Variants in SPACA3 observed in about 807,000 individuals in gnomAD.
SPACA3 encodes sperm acrosome membrane-associated protein 3.
In SPACA3, 21 loss-of-function variants were observed where a neutral mutation model predicts 24.5. The observed-to-expected ratio is 0.86, with a 90% CI of 0.61 to 1.24. The LOEUF (loss-of-function observed/expected upper bound fraction) is 1.24. Ranked by LOEUF, SPACA3 falls within the 50% of genes most tolerant of loss-of-function variation. The probability of loss-of-function intolerance (pLI) is 0.00; values close to 1 mark genes in which losing one functional copy is unlikely to be tolerated. For missense variants in SPACA3, 278 were observed against 275.5 expected, an observed-to-expected ratio of 1.01 and a Z score of -0.06; for synonymous variants, 115 against 106.9, an observed-to-expected ratio of 1.08 and a Z score of -0.47.
At chr17:32,992,940 A>G (rs1232382254) in intron 1 of SPACA3, 2 of 471,034 alleles carry the variant, frequency 4.2e-6, no homozygotes, top group Non-Finnish European at 8.8e-6. Context: ...ATGGATGTGT[A>G]TAGAATAGCT....
In SPACA3 at chr17:32,991,849, C is replaced by T. The variant is rs971645589; in HGVS notation, c.-90C>T. The T allele has an allele frequency of 5.1e-6, 8 of 1,578,782 alleles. No individual in the cohort carries two copies. The South Asian group carries it at 5.6e-5, about 11-fold the overall frequency. ...CCTGCCTTCCCCATTGTTCTCTTAACACTGGGTGCCTGGGGCCCTGGCAAG... is the reference window on the plus strand; with the variant it reads ...CCTGCCTTCCCCATTGTTCTCTTAATACTGGGTGCCTGGGGCCCTGGCAAG... On this transcript the variant is annotated 5_prime_UTR_variant, in exon 1 of 5. Transcript: ENST00000269053.
intron 1 of SPACA3, chr17:32,992,819 G>T (rs1039449522): frequency 1.3e-5 from 6 of 461,390 alleles, no homozygotes; most frequent in Non-Finnish European, 2.2e-5. Context: ...GGGCCGCAGG[G>T]CTGGGCTGTG....
chr17:32,992,863 G>A (rs1476506902), intron 1 of SPACA3: 1 of 470,498 alleles, frequency 2.1e-6, no homozygotes, highest in Non-Finnish European at 4.4e-6. Flanking sequence ...ACCTCGAAGG[G>A]GCAGTTATGG....
chr17:32,997,350 G>GAA (rs1555561332), intron 3 of SPACA3, 95 bp from the exon 4 acceptor site: 8 of 895,166 alleles, frequency 8.9e-6, no homozygotes, highest in Non-Finnish European at 1.2e-5. Context: ...TGTGTAGAGA[G>GAA]AGAGAGAGAG....
At position 32,992,011 on chromosome 17, in the gene SPACA3, G is replaced by C. The variant is rs1468636040; in HGVS notation, c.34+39G>C. 1.9e-6 allele frequency: 3 copies of C among 1,610,900 alleles called. No individual in the cohort carries two copies. The East Asian group carries it at 6.7e-5, about 36-fold the overall frequency. ...CCCTTCTTCCTGGGGCTGTTAACAG[G>C]GGCGCTGGGTTGGTCTGGCCAGAGA... On this transcript the variant is annotated intron_variant, in intron 1 of 4. Transcript: ENST00000269053.
In SPACA3 at chr17:32,997,312, A is replaced by AGTGTGTGT. The variant is rs376224282; in HGVS notation, c.503-108_503-101dup. On this transcript the variant is annotated intron_variant, in intron 3 of 4. Coordinates refer to ENST00000269053, the MANE Select transcript of SPACA3 (RefSeq NM_173847.5). ...GACAGGATTGGATTTAGGCGAGTGG[A>AGTGTGTGT]GTGTGTGTGTGTGTGTGTGTGTGTG... 923 of 510,974 alleles carry AGTGTGTGT rather than the reference A, an allele frequency of 1.8e-3. 6 individuals carry two copies. The highest frequency in any genetic ancestry group is 0.013 in the African/African-American group (563 of 42,926). The allele number at this position is 510,974 out of a possible 1,614,324, so 31.7% of individuals were successfully genotyped here. A position where few individuals can be genotyped will look rare whatever the true frequency, so the allele number is the denominator to read the frequency against.
chr17:32,997,767 T>C lies in SPACA3; in HGVS notation c.637T>C (p.Cys213Arg). 6.2e-7 allele frequency: 1 copy of C among 1,614,178 alleles called. No individual in the cohort carries two copies. ...GKDLTEWVDG[C>R]DF ...AGACCTCACTGAATGGGTGGATGGC[T>C]GTGACTTCTAGGATGGACGGAACCA... The change falls in exon 5 of 5, where the codon TGT (cysteine) becomes CGT (arginine). Residue 213 changes from cysteine (C) to arginine (R), a missense_variant. Cys to Arg is a radical substitution (Grantham distance 180). Coordinates refer to ENST00000269053, the MANE Select transcript of SPACA3 (RefSeq NM_173847.5).
chr17:32,993,252 G>A (rs2091701912), intron 1 of SPACA3, among the ~76,000 whole-genome samples: 3 of 152,354 alleles, frequency 2.0e-5, no homozygotes, highest in Admixed American at 2.0e-4. Context: ...GGTGCCTGCA[G>A]GGCATTCAAG....
At chr17:32,995,211 A>C (rs1159241488) in intron 1 of SPACA3, among the ~76,000 whole-genome samples, 198 bp from the exon 2 acceptor site, 1 of 152,178 alleles carries the variant, frequency 6.6e-6, no homozygotes, top group African/African-American at 2.4e-5. Context: ...GGACTAAATA[A>C]TCCGTAACGT....
At position 32,996,839 on chromosome 17, in the gene SPACA3, G is replaced by A. The variant is rs373333659; in HGVS notation, c.344-4G>A. On this transcript the variant is annotated splice_polypyrimidine_tract_variant and splice_region_variant and intron_variant, in intron 2 of 4. Coordinates refer to ENST00000269053, the MANE Select transcript of SPACA3 (RefSeq NM_173847.5). The stretch of plus-strand genomic sequence containing the variant: ...CCCCCAGGCCTATGCTCTGCCCTAT[G>A]CAGGGGTCTGCCTTGCTTATTTCAC... The A allele has an allele frequency of 3.8e-6, 6 of 1,577,434 alleles. No homozygotes were observed. The African/African-American group carries it at 8.1e-5, about 21-fold the overall frequency.
intron 1 of SPACA3, among the ~76,000 whole-genome samples, chr17:32,994,785 G>A (rs1162531207): frequency 1.3e-5 from 2 of 152,220 alleles, no homozygotes; most frequent in African/African-American, 2.4e-5. Context: ...AATGTCCTCT[G>A]TGATTTGGGG....
chr17:32,995,276 G>A lies in SPACA3; in HGVS notation c.35-133G>A, dbSNP rs528175901. 3.4e-5 allele frequency: 27 copies of A among 786,934 alleles called. No homozygotes were observed. In the African/African-American group the frequency reaches 4.5e-4, roughly 13 times the overall value. The allele number at this position is 786,934 out of a possible 1,614,324, so 48.7% of individuals were successfully genotyped here. A position where few individuals can be genotyped will look rare whatever the true frequency, so the allele number is the denominator to read the frequency against. On this transcript the variant is annotated intron_variant, in intron 1 of 4. Coordinates refer to ENST00000269053, the MANE Select transcript of SPACA3 (RefSeq NM_173847.5). Reference sequence around the variant, plus strand: ...TCTTCCTGTCTCTGGCCTGGGTGGTGTGAAGCAGGATGGGGAAGGAGAGGG... The same window carrying A: ...TCTTCCTGTCTCTGGCCTGGGTGGTATGAAGCAGGATGGGGAAGGAGAGGG...
In SPACA3 at chr17:32,997,836, T is replaced by C; in HGVS notation, c.*58T>C. ...ATGTGGTTTGGTTCCTGACCTAGGCTTGGGAAGACAAGCCAGCGAATAAAG... is the reference window on the plus strand; with the variant it reads ...ATGTGGTTTGGTTCCTGACCTAGGCCTGGGAAGACAAGCCAGCGAATAAAG... On this transcript the variant is annotated 3_prime_UTR_variant, in exon 5 of 5. Transcript: ENST00000269053. 1 of 1,571,766 alleles carries C rather than the reference T, an allele frequency of 6.4e-7. No individual in the cohort carries two copies. The highest frequency in any genetic ancestry group is 8.8e-7 in the Non-Finnish European group (1 of 1,141,576).
At chr17:32,992,732 G>T (rs959110104) in intron 1 of SPACA3, 1 of 378,516 alleles carries the variant, frequency 2.6e-6, no homozygotes, top group African/African-American at 2.1e-5. Flanking sequence ...AAAGGAGAGG[G>T]TGAATGTTCT....
At chr17:32,997,333 G>A (rs935203607) in intron 3 of SPACA3, 112 bp from the exon 4 acceptor site, 8 of 780,872 alleles carry the variant, frequency 1.0e-5, no homozygotes, top group Non-Finnish European at 1.0e-5. Flanking sequence ...GTGTGTGTGT[G>A]TGTGTGTGTG....
chr17:32,997,484 C>A lies in SPACA3; in HGVS notation c.542C>A (p.Ala181Asp). The change falls in exon 4 of 5, where the codon GCC becomes GAC. Residue 181 changes from alanine (A) to aspartate (D), a missense_variant. Ala to Asp is a moderately radical substitution (Grantham distance 126). Coordinates refer to ENST00000269053, the MANE Select transcript of SPACA3 (RefSeq NM_173847.5). ...AATCTCAAGGATACCGTTATCTGTGCCATGAAGATAACCCAAGAGCCTCAG... is the reference window on the plus strand; with the variant it reads ...AATCTCAAGGATACCGTTATCTGTGACATGAAGATAACCCAAGAGCCTCAG... ...NPNLKDTVICAMKITQEPQGL... is the reference protein window; with the variant it reads ...NPNLKDTVICDMKITQEPQGL... 1 of 1,614,088 alleles carries A rather than the reference C, an allele frequency of 6.2e-7. No individual in the cohort carries two copies. Among genetic ancestry groups the A allele is most frequent in the Non-Finnish European group, 8.5e-7 (1 of 1,179,998 alleles).
intron 1 of SPACA3, 83 bp downstream of exon 1, chr17:32,992,055 G>A (rs934681995): frequency 6.6e-7 from 1 of 1,509,376 alleles, no homozygotes; most frequent in Admixed American, 1.9e-5. Context: ...AGAAAAACAA[G>A]GTGGTGGTTA....
intron 3 of SPACA3, among the ~76,000 whole-genome samples, 169 bp from the exon 4 acceptor site, chr17:32,997,276 G>A (rs2091727735): frequency 6.6e-6 from 1 of 151,484 alleles, no homozygotes; most frequent in Non-Finnish European, 1.5e-5. Context: ...CTGTGCTTCC[G>A]GAGTGGTTGA....
In SPACA3 at chr17:32,995,684, C is replaced by T; in HGVS notation, c.310C>T (p.Leu104=). 1 of 1,614,132 alleles carries T rather than the reference C, an allele frequency of 6.2e-7. No homozygotes were observed. The highest frequency in any genetic ancestry group is 8.5e-7 in the Non-Finnish European group (1 of 1,179,974). ...ELARVLHDFG[L]DGYRGYSLAD... ...GGCCAGAGTGCTACATGACTTCGGG[C>T]TGGACGGATACCGGGGATACAGCCT... Residue 104 remains leucine (L), a synonymous_variant, in exon 2 of 5, where the codon CTG becomes TTG. Coordinates refer to ENST00000269053, the MANE Select transcript of SPACA3 (RefSeq NM_173847.5).
Sources: allele counts gnomAD v4.1 joint callset (sites outside exome capture counted in the v4.1 genomes callset), GRCh38; gene constraint gnomAD v4.1.1; transcripts MANE v1.5; gene names NCBI Gene and HGNC (gene_info 2026-07-23, HGNC 2026-07-21).